Variants in DNAH7 observed in about 807,000 individuals in gnomAD.
DNAH7 encodes the protein axonemal beta dynein heavy chain 7.
A neutral mutation model predicts 444.6 loss-of-function variants in DNAH7; 397 were observed. That is an observed-to-expected ratio of 0.89 (90% confidence interval 0.82 to 0.97). The LOEUF (loss-of-function observed/expected upper bound fraction) is 0.97, where lower values mean the gene tolerates loss of function less well. Ranked by LOEUF, DNAH7 falls within the 50% of genes least tolerant of loss-of-function variation. The pLI, the probability that DNAH7 is intolerant of heterozygous loss-of-function variation, is 0.00. For missense variants in DNAH7, 4,902 were observed against 4,800.8 expected, an observed-to-expected ratio of 1.02 and a Z score of -0.62; for synonymous variants, 1,636 against 1,624.4, an observed-to-expected ratio of 1.01 and a Z score of -0.17.
chr2:196,004,823 T>C (rs913182801), intron 10 of DNAH7, among the ~76,000 whole-genome samples: 1 of 151,422 alleles, frequency 6.6e-6, no homozygotes, highest in African/African-American at 2.4e-5. Flanking sequence ...TAGCTAGGCA[T>C]GGTGACATGC....
intron 62 of DNAH7, among the ~76,000 whole-genome samples, chr2:195,755,821 A>C (rs1311078517): frequency 6.6e-6 from 1 of 152,204 alleles, no homozygotes; most frequent in African/African-American, 2.4e-5. Flanking sequence ...AGTTCTGGGC[A>C]ATGAAGCTAT....
intron 9 of DNAH7, among the ~76,000 whole-genome samples, chr2:196,018,924 T>A (rs549711422): frequency 6.6e-6 from 1 of 152,244 alleles, no homozygotes; most frequent in African/African-American, 2.4e-5. Flanking sequence ...AAATATCTCA[T>A]GTACCCCATA....
intron 35 of DNAH7, among the ~76,000 whole-genome samples, chr2:195,882,290 T>C (rs1701433682): frequency 6.6e-6 from 1 of 152,222 alleles, no homozygotes; most frequent in Non-Finnish European, 1.5e-5. Context: ...GATTATTTAA[T>C]GGCATTGAGA....
chr2:196,015,044 C>T (rs917886992), intron 9 of DNAH7, among the ~76,000 whole-genome samples: 8 of 152,012 alleles, frequency 5.3e-5, no homozygotes, highest in Non-Finnish European at 1.0e-4. Flanking sequence ...ACTATATCAC[C>T]TCCTACATTC....
intron 17 of DNAH7, among the ~76,000 whole-genome samples, chr2:195,965,102 G>T (rs1012048984): frequency 6.6e-6 from 1 of 152,196 alleles, no homozygotes; most frequent in Admixed American, 6.5e-5. Context: ...CTACCTGTGG[G>T]TCTGTCTTTT....
At chr2:196,057,245 T>C (rs537719757) in intron 2 of DNAH7, among the ~76,000 whole-genome samples, 1 of 152,234 alleles carries the variant, frequency 6.6e-6, no homozygotes, top group African/African-American at 2.4e-5. Context: ...GAGCACAATA[T>C]AAGGTTTTAA....
intron 8 of DNAH7, among the ~76,000 whole-genome samples, chr2:196,023,648 A>G (rs978901122): frequency 3.3e-5 from 5 of 152,136 alleles, no homozygotes; most frequent in African/African-American, 9.7e-5. Context: ...CACTTCCTCC[A>G]TATCAGCAAT....
At chr2:195,917,092 A>C (rs1218112123) in intron 24 of DNAH7, among the ~76,000 whole-genome samples, 1 of 124,538 alleles carries the variant, frequency 8.0e-6, no homozygotes, top group Non-Finnish European at 1.6e-5. Flanking sequence ...ACAGAGTGAG[A>C]CTCCACCTCA....
chr2:195,828,439 G>A (rs1334362428), intron 48 of DNAH7, among the ~76,000 whole-genome samples: 3 of 151,746 alleles, frequency 2.0e-5, no homozygotes, highest in Non-Finnish European at 2.9e-5. Context: ...AAAAAAATTA[G>A]CCAGGTGTGG....
At chr2:196,007,634 G>A (rs1038553861) in intron 10 of DNAH7, among the ~76,000 whole-genome samples, 1 of 152,080 alleles carries the variant, frequency 6.6e-6, no homozygotes, top group Non-Finnish European at 1.5e-5. Flanking sequence ...GAATCACAGG[G>A]GCAGTTTCCC....
chr2:195,945,720 G>A (rs1005306569), intron 19 of DNAH7, among the ~76,000 whole-genome samples: 1 of 152,070 alleles, frequency 6.6e-6, no homozygotes, highest in African/African-American at 2.4e-5. Context: ...TAAGTTTTTG[G>A]CCTGAGCAAC....
rs928849177 is a variant in DNAH7, at chr2:196,047,446, C to T, written c.304G>A (p.Asp102Asn). 1.9e-6 allele frequency: 3 copies of T among 1,603,330 alleles called. No homozygotes were observed. The highest frequency in any genetic ancestry group is 2.6e-6 in the Non-Finnish European group (3 of 1,173,898). The change falls in exon 5 of 65, where the codon GAT (aspartate) becomes AAT (asparagine). Residue 102 changes from aspartate (D) to asparagine (N), a missense_variant. Transcript: ENST00000312428. ...GAAGTAGATGGTCCAACATAACTAT[C>T]ATCAACTTGGTGGGGTAATTTGCCC... is the stretch of plus-strand genomic sequence containing the variant. ...KKGKLPHQVD[D>N]SYVGPSTSKS... is the part of the protein sequence containing the mutation.
chr2:195,938,143 C>A (rs531262105), intron 19 of DNAH7, among the ~76,000 whole-genome samples: 36 of 151,912 alleles, frequency 2.4e-4, no homozygotes, highest in African/African-American at 7.0e-4. Flanking sequence ...AGGAAAGATA[C>A]AATTTTTGCT....
chr2:196,055,372 A>G (rs1230735888), intron 2 of DNAH7, among the ~76,000 whole-genome samples: 1 of 152,202 alleles, frequency 6.6e-6, no homozygotes, highest in Non-Finnish European at 1.5e-5. Flanking sequence ...ATGGTTAACC[A>G]TGCCCTAAAA....
intron 63 of DNAH7, among the ~76,000 whole-genome samples, chr2:195,749,419 T>G (rs2105897769): frequency 6.6e-6 from 1 of 152,156 alleles, no homozygotes; most frequent in Admixed American, 6.5e-5. Context: ...TGGAAGTCAG[T>G]GTGGCGATTC....
intron 46 of DNAH7, among the ~76,000 whole-genome samples, chr2:195,850,927 G>T: frequency 6.6e-6 from 1 of 152,152 alleles, no homozygotes; most frequent in East Asian, 1.9e-4. Context: ...GTCCCAACCA[G>T]GGGGAAGGGA....
At chr2:195,947,632 T>A (rs1167898413) in intron 19 of DNAH7, among the ~76,000 whole-genome samples, 1 of 152,196 alleles carries the variant, frequency 6.6e-6, no homozygotes, top group East Asian at 1.9e-4. Flanking sequence ...CTCATCCTTT[T>A]TTATGGCTGC....
intron 60 of DNAH7, among the ~76,000 whole-genome samples, chr2:195,773,923 C>A (rs1200430518): frequency 6.6e-6 from 1 of 152,156 alleles, no homozygotes; most frequent in Non-Finnish European, 1.5e-5. Flanking sequence ...TACAAAAAGT[C>A]TTGTCATCAT....
intron 18 of DNAH7, 105 bp downstream of exon 18, chr2:195,960,155 A>C: frequency 1.1e-6 from 1 of 893,360 alleles, no homozygotes; most frequent in Non-Finnish European, 1.6e-6. Context: ...ATAAAATATT[A>C]AGTATGAAAT....
Sources: gnomAD v4.1 joint callset for allele counts (sites outside exome capture counted in the v4.1 genomes callset) on GRCh38, gnomAD v4.1.1 for gene constraint, MANE v1.5 for transcripts, NCBI Gene and HGNC (gene_info 2026-07-23, HGNC 2026-07-21) for gene names.